STRC: variants seen among roughly 807,000 people sequenced by gnomAD.
STRC encodes the protein stereocilin.
STRC carries 43 observed loss-of-function variants against 103.5 expected under a neutral mutation model. The observed-to-expected ratio is 0.42, with a 90% CI of 0.33 to 0.54. The LOEUF is 0.54. Among genes scored for constraint, STRC ranks in the 20% least tolerant of loss-of-function variants. The pLI, the probability that STRC is intolerant of heterozygous loss-of-function variation, is 0.14. For synonymous variants in STRC, 186 were observed against 442.3 expected, an observed-to-expected ratio of 0.42 and a Z score of 7.27; for missense variants, 499 against 1,088.5, an observed-to-expected ratio of 0.46 and a Z score of 7.62.
intron 23 of STRC, among the ~76,000 whole-genome samples, chr15:43,603,027 A>G (rs2085683862): frequency 6.6e-6 from 1 of 151,966 alleles, no homozygotes; most frequent in Non-Finnish European, 1.5e-5. Context: ...ATGCATTAAA[A>G]TTTGGTAACC....
rs552996684 is a variant in STRC at position 43,606,975 on chromosome 15, T to C, written c.3794+888A>G. Among the ~76,000 whole-genome samples, 99 of 122,734 alleles carry C rather than the reference T, an allele frequency of 8.1e-4. 1 individual carries two copies. The highest frequency in any genetic ancestry group is 2.8e-3 in the African/African-American group (86 of 30,922). The allele number at this position is 122,734 out of a possible 152,430, so 80.5% of individuals were successfully genotyped here. A position where few individuals can be genotyped will look rare whatever the true frequency, so the allele number is the denominator to read the frequency against. On this transcript the variant is annotated intron_variant, in intron 18 of 28. Coordinates refer to ENST00000450892, the MANE Select transcript of STRC (RefSeq NM_153700.2). The stretch of plus-strand genomic sequence containing the variant: ...AGATCACGTCACTGCACTCCAGCCT[T>C]GGTGACACAGCAAAACTCTGTCTCA...
At position 43,605,229 on chromosome 15, in the gene STRC, G is replaced by T. The variant is rs765979118; in HGVS notation, c.3930+35C>A. 18 of 1,577,386 alleles carry T rather than the reference G, an allele frequency of 1.1e-5. 1 individual carries two copies. In the South Asian group the frequency reaches 1.4e-4, roughly 12 times the overall value. ...GTCTGAGGAGCAAGAATTGCCCAGGGCAGCAAATCTGAGTCTGGTAGGGTG... is the reference window on the plus strand; with the variant it reads ...GTCTGAGGAGCAAGAATTGCCCAGGTCAGCAAATCTGAGTCTGGTAGGGTG... On this transcript the variant is annotated intron_variant, in intron 19 of 28. Coordinates refer to ENST00000450892, the MANE Select transcript of STRC (RefSeq NM_153700.2).
chr15:43,609,149 C>T (rs1429035693), intron 16 of STRC, 127 bp downstream of exon 16: 7 of 847,992 alleles, frequency 8.3e-6, no homozygotes, highest in East Asian at 8.0e-5. Context: ...AGAACGTCCA[C>T]GAGGCAGGGA....
In STRC at chr15:43,600,877, C is replaced by T. The variant is rs776251331; in HGVS notation, c.4839G>A (p.Glu1613=). 3.1e-6 allele frequency: 5 copies of T among 1,613,358 alleles called. No individual in the cohort carries two copies. Among genetic ancestry groups the T allele is most frequent in the Admixed American group, 1.7e-5 (1 of 59,960 alleles). Residue 1613 remains glutamate, a synonymous_variant, in exon 25 of 29, where the codon GAG becomes GAA. Coordinates refer to ENST00000450892, the MANE Select transcript of STRC (RefSeq NM_153700.2). The part of the protein sequence containing the change: ...PEELQHISSW[E]FSQAALFLGT... Reference sequence around the variant, plus strand: ...TCAGCCCCTTCACAAATGACCTGAACTCCCAACTGCTGATGTGCTGGAGCT... The same window carrying T: ...TCAGCCCCTTCACAAATGACCTGAATTCCCAACTGCTGATGTGCTGGAGCT...
At chr15:43,604,611 T>C in intron 20 of STRC, 39 bp downstream of exon 20, 2 of 1,613,024 alleles carry the variant, frequency 1.2e-6, no homozygotes, top group Non-Finnish European at 1.7e-6. Flanking sequence ...GGACTGGGTA[T>C]AGAATGAGTT....
chr15:43,609,212 A>G, intron 16 of STRC, 64 bp downstream of exon 16: 4 of 1,514,224 alleles, frequency 2.6e-6, no homozygotes, highest in Non-Finnish European at 3.7e-6. Flanking sequence ...GGTGCCTGGC[A>G]CATAGTAAGC....
At position 43,604,026 on chromosome 15, in the gene STRC, C is replaced by T; in HGVS notation, c.4345G>A (p.Val1449Met). The part of the protein sequence containing the change: ...AAKKAALVAG[V>M]VRPAAEDLPE... The stretch of plus-strand genomic sequence containing the variant: ...AGATCCTCAGCAGCTGGTCGCACCA[C>T]CCCTGCTACCAGGGCTGCTTTCTTG... Residue 1449 changes from valine (V) to methionine (M), a missense_variant, in exon 22 of 29, where the codon GTG (valine) becomes ATG (methionine). Transcript: ENST00000450892. 5.6e-6 allele frequency: 9 copies of T among 1,613,282 alleles called. No individual in the cohort carries two copies. The highest frequency in any genetic ancestry group is 7.6e-6 in the Non-Finnish European group (9 of 1,179,662).
At chr15:43,611,025 T>G (rs1174540064) in intron 13 of STRC, 41 bp from the exon 14 acceptor site, 3 of 1,612,214 alleles carry the variant, frequency 1.9e-6, no homozygotes, top group Non-Finnish European at 1.7e-6. Context: ...TGTGTGTGTG[T>G]GTGTGTGTGT....
chr15:43,603,125 A>G, intron 23 of STRC, 117 bp downstream of exon 23: 2 of 1,124,146 alleles, frequency 1.8e-6, no homozygotes, highest in Non-Finnish European at 2.6e-6. Context: ...CAAATCTTCT[A>G]ACTCTTCTAT....
In STRC at chr15:43,600,606, C is replaced by G. The variant is rs758801779; in HGVS notation, c.4921G>C (p.Val1641Leu). ...EQLEVLAHLL[V>L]LPGGFGPISN... ...ATTGGGCCAAACCCACCAGGCAGTA[C>G]AAGTAGGTGGGCCAGAACCTCCAGT... The change falls in exon 26 of 29, where the codon GTA (valine) becomes CTA (leucine). Residue 1641 changes from valine (V) to leucine (L), a missense_variant. By Grantham distance (32) the Val-to-Leu change is conservative (BLOSUM62 1). Coordinates refer to ENST00000450892, the MANE Select transcript of STRC (RefSeq NM_153700.2). 2 of 1,613,732 alleles carry G rather than the reference C, an allele frequency of 1.2e-6. No individual in the cohort carries two copies. The highest frequency in any genetic ancestry group is 3.3e-5 in the Admixed American group (2 of 59,982).
chr15:43,604,239 T>A, intron 21 of STRC, 87 bp from the exon 22 acceptor site: 1 of 1,597,948 alleles, frequency 6.3e-7, no homozygotes, highest in Non-Finnish European at 8.5e-7. Flanking sequence ...CCTGTCTCTG[T>A]TTTGCAGTCT....
In STRC at chr15:43,613,472, G is replaced by A. The variant is rs1403365133; in HGVS notation, c.2481-241C>T. On this transcript the variant is annotated intron_variant, in intron 7 of 28. Coordinates refer to ENST00000450892, the MANE Select transcript of STRC (RefSeq NM_153700.2). ...AGCTATCCTCCTGCCTCAGCCTCCA[G>A]AGTAACTGGGACTACAAGCGCCCAC... Among the ~76,000 whole-genome samples, 8 of 142,084 alleles carry A rather than the reference G, an allele frequency of 5.6e-5. 1 individual carries two copies. The highest frequency in any genetic ancestry group is 1.2e-4 in the Non-Finnish European group (8 of 66,432). 93.2% of individuals were successfully genotyped at this position (142,084 alleles called of 152,430 possible).
rs2085684679 is a variant in STRC at position 43,603,150 on chromosome 15, A to G, written c.4545+92T>C. ...AACTCTTCTATCTCTTGCTTCCCCC[A>G]CCTCTCATCCAACTCTCCATTCTCT... On this transcript the variant is annotated intron_variant, in intron 23 of 28. Transcript: ENST00000450892. The G allele has an allele frequency of 2.2e-6, 3 of 1,389,582 alleles. No individual in the cohort carries two copies. In the South Asian group the frequency reaches 3.6e-5, roughly 16 times the overall value. 86.1% of individuals were successfully genotyped at this position (1,389,582 alleles called of 1,614,324 possible). A position where few individuals can be genotyped will look rare whatever the true frequency, so the allele number is the denominator to read the frequency against.
rs759637893 is a variant in STRC, at chr15:43,601,532, C to A, written c.4565G>T (p.Gly1522Val). 6.2e-7 allele frequency: 1 copy of A among 1,613,186 alleles called. No homozygotes were observed. The highest frequency in any genetic ancestry group is 8.5e-7 in the Non-Finnish European group (1 of 1,179,430). The change falls in exon 24 of 29, where the codon GGA becomes GTA. Residue 1522 changes from glycine to valine, a missense_variant. Coordinates refer to ENST00000450892, the MANE Select transcript of STRC (RefSeq NM_153700.2). ...CTGCAGGATCTGCTCAGGACGAAAT[C>A]CCCGGGGGGGACCCCACAACTAGGA... ...KAKQLWGPPRGFRPEQILQLG... is the reference protein window; with the variant it reads ...KAKQLWGPPRVFRPEQILQLG...
In STRC at chr15:43,601,487, C is replaced by A; in HGVS notation, c.4610G>T (p.Gly1537Val). Reference protein sequence around the residue: ...QILQLGRLLIGLGDRELQELI... With the variant: ...QILQLGRLLIVLGDRELQELI... ...CTCCTGTAGTTCCCGATCTCCTAGA[C>A]CTATTAAGAGCCTACCAAGCTGCAG... The change falls in exon 24 of 29, where the codon GGT becomes GTT. Residue 1537 changes from glycine to valine, a missense_variant. Gly to Val is a moderately radical substitution (Grantham distance 109). Coordinates refer to ENST00000450892, the MANE Select transcript of STRC (RefSeq NM_153700.2). 6.2e-7 allele frequency: 1 copy of A among 1,613,768 alleles called. No homozygotes were observed. The highest frequency in any genetic ancestry group is 1.1e-5 in the South Asian group (1 of 91,060).
rs530174282 is a variant in STRC at position 43,601,526 on chromosome 15, C to A, written c.4571G>T (p.Arg1524Leu). The change falls in exon 24 of 29, where the codon CGT becomes CTT. Residue 1524 changes from arginine (R) to leucine (L), a missense_variant. By Grantham distance (102) the Arg-to-Leu change is moderately radical. Transcript: ENST00000450892. ...KQLWGPPRGFRPEQILQLGRL... is the reference protein window; with the variant it reads ...KQLWGPPRGFLPEQILQLGRL... ...ACCAAGCTGCAGGATCTGCTCAGGA[C>A]GAAATCCCCGGGGGGGACCCCACAA... is the stretch of plus-strand genomic sequence containing the variant. 1.2e-6 allele frequency: 2 copies of A among 1,613,798 alleles called. No individual in the cohort carries two copies. Among genetic ancestry groups the A allele is most frequent in the Non-Finnish European group, 8.5e-7 (1 of 1,179,852 alleles).
intron 24 of STRC, 112 bp downstream of exon 24, chr15:43,601,281 AAAG>A: frequency 6.7e-7 from 1 of 1,486,050 alleles, no homozygotes; most frequent in Non-Finnish European, 9.3e-7. Flanking sequence ...CAAAAGATAG[AAAG>A]AAGGACCAGG....
intron 19 of STRC, 106 bp downstream of exon 19, chr15:43,605,158 G>T (rs1486564531): frequency 6.4e-7 from 1 of 1,551,566 alleles, no homozygotes; most frequent in Non-Finnish European, 8.7e-7. Context: ...CTGTTTGGCA[G>T]CAAGAAAGCA....
intron 13 of STRC, 42 bp from the exon 14 acceptor site, chr15:43,611,026 G>GTGTGTCTGTGTC (rs1555447503): frequency 6.8e-7 from 1 of 1,466,990 alleles, no homozygotes; most frequent in African/African-American, 1.6e-5. Flanking sequence ...GTGTGTGTGT[G>GTGTGTCTGTGTC]TGTGTGTGTG....
Sources: gnomAD v4.1 joint callset for allele counts (sites outside exome capture counted in the v4.1 genomes callset) on GRCh38, gnomAD v4.1.1 for gene constraint, MANE v1.5 for transcripts, NCBI Gene and HGNC (gene_info 2026-07-23, HGNC 2026-07-21) for gene names.